SPATA6L: variants seen among roughly 807,000 people sequenced by gnomAD.
SPATA6L encodes spermatogenesis associated 6-like protein.
A neutral mutation model predicts 49.2 loss-of-function variants in SPATA6L; 68 were observed. That is an observed-to-expected ratio of 1.38 (90% CI 1.14 to 1.69). The LOEUF (loss-of-function observed/expected upper bound fraction) is 1.69, where lower values mean the gene tolerates loss of function less well. Ranked by LOEUF, SPATA6L falls within the 40% of genes most tolerant of loss-of-function variation. The pLI, the probability that SPATA6L is intolerant of heterozygous loss-of-function variation, is 0.00. For missense variants in SPATA6L, 668 were observed against 464.3 expected (o/e 1.44, Z -4.03); for synonymous variants, 198 against 165.7 (o/e 1.19, Z -1.50).
intron 2 of SPATA6L, among the ~76,000 whole-genome samples, chr9:4,657,695 G>A (rs1378608382): frequency 6.6e-6 from 1 of 152,146 alleles, no homozygotes; most frequent in African/African-American, 2.4e-5. Flanking sequence ...AGGTTGACAT[G>A]AAAATAAGAC....
chr9:4,660,403 T>C (rs1277631319), intron 2 of SPATA6L, among the ~76,000 whole-genome samples: 1 of 152,192 alleles, frequency 6.6e-6, no homozygotes, highest in African/African-American at 2.4e-5. Context: ...AAAGAAGACA[T>C]TTACACAGCC....
chr9:4,596,180 T>C (rs1822240260), downstream of SPATA6L, among the ~76,000 whole-genome samples: 1 of 152,050 alleles, frequency 6.6e-6, no homozygotes, highest in African/African-American at 2.4e-5. Context: ...AGGGCACGGG[T>C]TGAATTTTAC....
At chr9:4,595,834 T>C (rs1822211155), downstream of SPATA6L, among the ~76,000 whole-genome samples, 1 of 152,248 alleles carries the variant, frequency 6.6e-6, no homozygotes, top group South Asian at 2.1e-4. Flanking sequence ...CAAACCTCAC[T>C]GTAAATCAAT....
rs1822786170 is a variant in SPATA6L, at chr9:4,599,815, A to T, written c.*996T>A. On this transcript the variant is annotated 3_prime_UTR_variant, in exon 12 of 12. Transcript: ENST00000682582. ...TAGAGGTTAGGATTTCAACATACAA[A>T]TGTTGAGGGGACACAAACATTCACA... Among the ~76,000 whole-genome samples, 1 of 152,222 alleles carries T rather than the reference A, an allele frequency of 6.6e-6. No individual in the cohort carries two copies. The highest frequency in any genetic ancestry group is 1.5e-5 in the Non-Finnish European group (1 of 68,034).
Position 4,649,721 on chromosome 9 carries a change from G to A in SPATA6L, c.226+6320C>T, listed in dbSNP as rs532546760. Among the ~76,000 whole-genome samples the A allele has an allele frequency of 4.6e-5, 7 of 152,240 alleles. No individual in the cohort carries two copies. In the South Asian group the frequency reaches 1.0e-3, roughly 23 times the overall value. The stretch of plus-strand genomic sequence containing the variant: ...TAATTGCCTTCTGGAATGGCATCAC[G>A]TAATTCATACTTGCTTTAAATATCA... On this transcript the variant is annotated intron_variant, in intron 3 of 11. Transcript: ENST00000682582.
chr9:4,600,128 C>T lies in SPATA6L; in HGVS notation c.*683G>A, dbSNP rs886417223. On this transcript the variant is annotated 3_prime_UTR_variant, in exon 12 of 12. Coordinates refer to ENST00000682582, the MANE Select transcript of SPATA6L (RefSeq NM_001353486.2). Reference sequence around the variant, plus strand: ...AGAAATATTTGAGGAAGGTTTTGTTCCTCATCTAAATTTACAAAGAATTGC... The same window carrying T: ...AGAAATATTTGAGGAAGGTTTTGTTTCTCATCTAAATTTACAAAGAATTGC... Among the ~76,000 whole-genome samples the T allele has an allele frequency of 7.9e-5, 12 of 152,090 alleles. No homozygotes were observed. The highest frequency in any genetic ancestry group is 1.8e-4 in the Non-Finnish European group (12 of 68,020).
chr9:4,628,786 T>C (rs181253435), intron 5 of SPATA6L: 25 of 238,598 alleles, frequency 1.0e-4, no homozygotes, highest in African/African-American at 5.1e-4. Flanking sequence ...AGATCACAAG[T>C]AAATGTCATA....
chr9:4,654,892 T>TC (rs1221993443), intron 3 of SPATA6L, among the ~76,000 whole-genome samples: 1 of 152,132 alleles, frequency 6.6e-6, no homozygotes, highest in Non-Finnish European at 1.5e-5. Flanking sequence ...GTGCCTGTCC[T>TC]CACCTAGGTC....
intron 9 of SPATA6L, among the ~76,000 whole-genome samples, chr9:4,613,135 T>A (rs1052491619): frequency 2.0e-5 from 3 of 151,478 alleles, no homozygotes; most frequent in Middle Eastern, 3.4e-3. Flanking sequence ...GGCTGAGGCA[T>A]GAAAATTGCT....
chr9:4,614,355 C>G (rs551497267), intron 9 of SPATA6L, among the ~76,000 whole-genome samples: 1 of 152,322 alleles, frequency 6.6e-6, no homozygotes, highest in South Asian at 2.1e-4. Context: ...GACCTTGATC[C>G]TTACTGACTT....
chr9:4,594,270 C>A (rs999069208), downstream of SPATA6L, among the ~76,000 whole-genome samples: 4 of 152,134 alleles, frequency 2.6e-5, no homozygotes, highest in Non-Finnish European at 5.9e-5. Context: ...AGTGCAGTGG[C>A]GCGAACTCAG....
intron 3 of SPATA6L, among the ~76,000 whole-genome samples, chr9:4,640,722 T>C (rs532589643): frequency 6.6e-6 from 1 of 152,208 alleles, no homozygotes; most frequent in African/African-American, 2.4e-5. Context: ...CTTGAACAAA[T>C]TAATGGATCA....
At position 4,656,024 on chromosome 9, in the gene SPATA6L, T is replaced by C. The variant is rs1473807725; in HGVS notation, c.226+17A>G. ...AATAGTCTTTTGGTTTTTTGTTTTG[T>C]TTTTCAGAGTACCTACTTTCCAAAA... On this transcript the variant is annotated intron_variant, in intron 3 of 11. Transcript: ENST00000682582. 1 of 1,605,242 alleles carries C rather than the reference T, an allele frequency of 6.2e-7. No homozygotes were observed. Among genetic ancestry groups the C allele is most frequent in the Non-Finnish European group, 8.5e-7 (1 of 1,174,516 alleles).
At chr9:4,645,010 G>C (rs1413248684) in intron 3 of SPATA6L, among the ~76,000 whole-genome samples, 1 of 152,080 alleles carries the variant, frequency 6.6e-6, no homozygotes, top group Non-Finnish European at 1.5e-5. Context: ...CTGCAAAAGT[G>C]GCTATAAACA....
chr9:4,663,201 G>A lies in SPATA6L; in HGVS notation c.40-1165C>T, dbSNP rs763906637. ...GGGCTACATGCAGTACAGCATCGTGGACTATTGCTGGCTCTCACCCCATAA... is the reference window on the plus strand; with the variant it reads ...GGGCTACATGCAGTACAGCATCGTGAACTATTGCTGGCTCTCACCCCATAA... On this transcript the variant is annotated intron_variant, in intron 1 of 11. Transcript: ENST00000682582. 1.6e-5 allele frequency: 26 copies of A among 1,613,988 alleles called. 1 individual carries two copies. In the Admixed American group the frequency reaches 4.0e-4, roughly 25 times the overall value.
At chr9:4,642,232 C>T (rs1012883371) in intron 3 of SPATA6L, among the ~76,000 whole-genome samples, 1 of 152,118 alleles carries the variant, frequency 6.6e-6, no homozygotes, top group Non-Finnish European at 1.5e-5. Context: ...AGTGGGCATG[C>T]TTCTACTTCC....
chr9:4,663,839 CTTTATTATCTCTATAA>C (rs1380745302), intron 1 of SPATA6L: 3 of 166,914 alleles, frequency 1.8e-5, no homozygotes, highest in Admixed American at 6.5e-5. Context: ...AGCTTTTTTA[CTTTATTATCTCTATAA>C]TTTATTATCT....
Position 4,656,041 on chromosome 9 carries a change from T to G in SPATA6L, c.226A>C (p.Met76Leu). 1.2e-6 allele frequency: 2 copies of G among 1,611,612 alleles called. No homozygotes were observed. The highest frequency in any genetic ancestry group is 1.7e-4 in the Middle Eastern group (1 of 6,058). Residue 76 changes from methionine (M) to leucine (L), a missense_variant and splice_region_variant, in exon 3 of 12, where the codon ATG becomes CTG. By Grantham distance (15) the Met-to-Leu change is conservative. Coordinates refer to ENST00000682582, the MANE Select transcript of SPATA6L (RefSeq NM_001353486.2). ...TTGTTTTGTTTTTCAGAGTACCTAC[T>G]TTCCAAAAGGTCTACTACAGCTCCA... ...DPGAVVDLLE[M>L]WDELAYYEEN...
downstream of SPATA6L, among the ~76,000 whole-genome samples, chr9:4,596,702 T>C (rs1001124770): frequency 6.6e-6 from 1 of 152,212 alleles, no homozygotes; most frequent in Non-Finnish European, 1.5e-5. Flanking sequence ...CAAGAGACCT[T>C]AGTTGCTCTG....
Sources: gnomAD v4.1 joint callset for allele counts (sites outside exome capture counted in the v4.1 genomes callset) on GRCh38, gnomAD v4.1.1 for gene constraint, MANE v1.5 for transcripts, NCBI Gene and HGNC (gene_info 2026-07-23, HGNC 2026-07-21) for gene names.